Variants in USH2A observed in about 807,000 individuals in gnomAD.
The protein encoded by USH2A is Usher syndrome 2A (autosomal recessive, mild).
A neutral mutation model predicts 538.9 loss-of-function variants in USH2A; 443 were observed. That is an observed-to-expected ratio of 0.82 (90% CI 0.76 to 0.89). USH2A has a LOEUF of 0.89. USH2A is among the 40% of genes least tolerant of loss of function. The pLI is 0.00. For missense variants in USH2A, 6,633 were observed against 6,324.8 expected (o/e 1.05, Z -1.65); for synonymous variants, 2,413 against 2,273.5 (o/e 1.06, Z -1.75).
At position 215,758,580 on chromosome 1, in the gene USH2A, C is replaced by CTTT; in HGVS notation, c.11389+12_11389+14dup. On this transcript the variant is annotated intron_variant, in intron 58 of 71. Coordinates refer to ENST00000307340, the MANE Select transcript of USH2A (RefSeq NM_206933.4). The stretch of plus-strand genomic sequence containing the variant: ...TGTTTACACACACACACACATACTT[C>CTTT]TTTTTTTTTTTTACCTGGTGGTATC... The CTTT allele has an allele frequency of 1.5e-6, 2 of 1,355,488 alleles. No homozygotes were observed. The highest frequency in any genetic ancestry group is 2.1e-6 in the Non-Finnish European group (2 of 970,498). The allele number at this position is 1,355,488 out of a possible 1,614,324, so 84.0% of individuals were successfully genotyped here. A position where few individuals can be genotyped will look rare whatever the true frequency, so the allele number is the denominator to read the frequency against.
chr1:216,023,512 T>TA (rs1406504519), intron 32 of USH2A, among the ~76,000 whole-genome samples: 1 of 72,912 alleles, frequency 1.4e-5, no homozygotes, highest in Non-Finnish European at 2.8e-5. Flanking sequence ...AAAGATAGAG[T>TA]GAGATATTGT....
chr1:215,677,088 C>T (rs1658057176), intron 62 of USH2A, among the ~76,000 whole-genome samples: 1 of 152,146 alleles, frequency 6.6e-6, no homozygotes, highest in Non-Finnish European at 1.5e-5. Flanking sequence ...TTGACATAAC[C>T]ACATCGTTCA....
intron 47 of USH2A, among the ~76,000 whole-genome samples, chr1:215,817,800 T>G (rs1193693893): frequency 6.6e-6 from 1 of 151,968 alleles, no homozygotes; most frequent in East Asian, 1.9e-4. Flanking sequence ...TGGCATTGGT[T>G]CACCAATGCC....
intron 11 of USH2A, among the ~76,000 whole-genome samples, chr1:216,279,585 C>T (rs1279575333): frequency 1.3e-5 from 2 of 152,118 alleles, no homozygotes; most frequent in Non-Finnish European, 1.5e-5. Context: ...GCCCCAACCC[C>T]AAACTTCCTG....
chr1:215,745,572 T>C (rs1160397132), intron 58 of USH2A, among the ~76,000 whole-genome samples: 5 of 152,218 alleles, frequency 3.3e-5, no homozygotes, highest in Admixed American at 3.3e-4. Context: ...GCTCAATAAA[T>C]GTTAGCTGAT....
At chr1:216,143,137 AAG>A (rs1189879064) in intron 21 of USH2A, among the ~76,000 whole-genome samples, 1 of 152,118 alleles carries the variant, frequency 6.6e-6, no homozygotes, top group Non-Finnish European at 1.5e-5. Flanking sequence ...ATGTTGTAAT[AAG>A]TGTGCCTTCC....
chr1:216,054,533 T>C (rs17585931), intron 30 of USH2A, among the ~76,000 whole-genome samples: 4,438 of 152,214 alleles, frequency 0.029, 85 homozygotes, highest in South Asian at 0.064. Context: ...CAGACAAGTA[T>C]AAATGCTCTG....
At chr1:215,709,953 G>A (rs376418565) in intron 61 of USH2A, among the ~76,000 whole-genome samples, 4 of 152,186 alleles carry the variant, frequency 2.6e-5, no homozygotes, top group South Asian at 2.1e-4. Flanking sequence ...GAAGAAGACC[G>A]ATGCACATAC....
intron 32 of USH2A, among the ~76,000 whole-genome samples, chr1:216,022,040 C>G (rs11120720): frequency 0.46 from 69,358 of 151,812 alleles, 16,421 homozygotes; most frequent in East Asian, 0.7. Context: ...CTCTCTCTCT[C>G]TCTCTTGCTT....
At position 216,048,650 on chromosome 1, in the gene USH2A, A is replaced by G. The variant is rs368789291; in HGVS notation, c.6050-3T>C. The G allele has an allele frequency of 4.3e-6, 7 of 1,613,198 alleles. No individual in the cohort carries two copies. Among genetic ancestry groups the G allele is most frequent in the Non-Finnish European group, 5.9e-6 (7 of 1,179,248 alleles). On this transcript the variant is annotated splice_polypyrimidine_tract_variant and splice_region_variant and intron_variant, in intron 30 of 71. Coordinates refer to ENST00000307340, the MANE Select transcript of USH2A (RefSeq NM_206933.4). Reference sequence around the variant, plus strand: ...GGGTAGCAAGCCTGTCAATATGCCTATAATAAAAAGGGACAAAAGAGGGTT... The same window carrying G: ...GGGTAGCAAGCCTGTCAATATGCCTGTAATAAAAAGGGACAAAAGAGGGTT...
chr1:216,321,255 C>T (rs373191316), intron 9 of USH2A, among the ~76,000 whole-genome samples: 56 of 152,218 alleles, frequency 3.7e-4, no homozygotes, highest in African/African-American at 1.2e-3. Context: ...GATGTTGTTG[C>T]TAGATATTCC....
intron 4 of USH2A, among the ~76,000 whole-genome samples, chr1:216,348,607 T>C (rs1269702383): frequency 6.6e-6 from 1 of 152,074 alleles, no homozygotes. Flanking sequence ...ATGTGAAAAA[T>C]AGTTATTTTT....
intron 9 of USH2A, among the ~76,000 whole-genome samples, chr1:216,304,704 G>T (rs950451340): frequency 6.6e-6 from 1 of 151,822 alleles, no homozygotes; most frequent in Non-Finnish European, 1.5e-5. Flanking sequence ...GGTTTTGATA[G>T]GTTGTGTCAC....
At chr1:215,839,672 T>C (rs868545674) in intron 46 of USH2A, among the ~76,000 whole-genome samples, 14 of 152,190 alleles carry the variant, frequency 9.2e-5, no homozygotes, top group South Asian at 2.1e-4. Flanking sequence ...CCAATATGTT[T>C]TTATTCTTAC....
At position 215,743,416 on chromosome 1, in the gene USH2A, G is replaced by GTGTA. The variant is rs1491186893; in HGVS notation, c.11390-82_11390-81insTACA. 1,928 of 238,294 alleles carry GTGTA rather than the reference G, an allele frequency of 8.1e-3. 127 individuals carry two copies. Among genetic ancestry groups the GTGTA allele is most frequent in the African/African-American group, 0.054 (1,701 of 31,422 alleles). The allele number at this position is 238,294 out of a possible 1,614,324, so 14.8% of individuals were successfully genotyped here. A position where few individuals can be genotyped will look rare whatever the true frequency, so the allele number is the denominator to read the frequency against. On this transcript the variant is annotated intron_variant, in intron 58 of 71. Coordinates refer to ENST00000307340, the MANE Select transcript of USH2A (RefSeq NM_206933.4). ...TGTGTGTGTGTGTGTGTGTGTGTGT[G>GTGTA]TATATATATATAGACACACATATAT...
chr1:216,029,096 T>G (rs1160760571), intron 32 of USH2A, among the ~76,000 whole-genome samples: 3 of 152,114 alleles, frequency 2.0e-5, no homozygotes, highest in Non-Finnish European at 4.4e-5. Context: ...GTACTTAATT[T>G]TGAATGAATA....
chr1:215,759,824 T>A lies in USH2A; in HGVS notation c.11067A>T (p.Arg3689=), dbSNP rs751661882. ...CTGTTGTAGAATTGATGATAATGTG[T>A]CGAGGTGTCACCCAAACTCCTGGCA... ...AAPEGVWVTP[R]HIIINSTTVE... Residue 3689 remains arginine (R), a synonymous_variant, in exon 57 of 72, where the codon CGA becomes CGT. Transcript: ENST00000307340. 1 of 1,614,004 alleles carries A rather than the reference T, an allele frequency of 6.2e-7. No homozygotes were observed. Among genetic ancestry groups the A allele is most frequent in the East Asian group, 2.2e-5 (1 of 44,876 alleles).
rs1490702232 is a variant in USH2A at position 215,878,895 on chromosome 1, ACT to A, written c.8425_8426del (p.Ser2809PhefsTer25). 1 of 1,613,894 alleles carries A rather than the reference ACT, an allele frequency of 6.2e-7. No homozygotes were observed. Among genetic ancestry groups the A allele is most frequent in the Non-Finnish European group, 8.5e-7 (1 of 1,179,930 alleles). On this transcript the variant is annotated frameshift_variant, in exon 42 of 72. Coordinates refer to ENST00000307340, the MANE Select transcript of USH2A (RefSeq NM_206933.4). LOFTEE classifies it high-confidence loss of function. ...GNGYLGGCTE[S>X]LPTYVTTHPT... ...GGTGAGTGGTAACATAGGTAGGTAAACTCTCTGTGCACCCTCCAAGGTACCCA... is the reference window on the plus strand; with the variant it reads ...GGTGAGTGGTAACATAGGTAGGTAAACTCTGTGCACCCTCCAAGGTACCCA...
intron 16 of USH2A, chr1:216,204,186 C>A (rs1387508368): frequency 1.3e-5 from 2 of 152,578 alleles, no homozygotes; most frequent in African/African-American, 4.8e-5. Context: ...ACTCCCTAAA[C>A]CTGCAACACT....
Sources: allele counts gnomAD v4.1 joint callset (sites outside exome capture counted in the v4.1 genomes callset), GRCh38; gene constraint gnomAD v4.1.1; transcripts MANE v1.5; gene names NCBI Gene and HGNC (gene_info 2026-07-23, HGNC 2026-07-21).